Variants in ZBP1 observed in about 807,000 individuals in gnomAD.
ZBP1 encodes the protein Z-DNA binding protein 1, also known as Z-DNA-binding protein 1.
In ZBP1, 42 loss-of-function variants were observed where a neutral mutation model predicts 41.1. The observed-to-expected ratio is 1.02, with a 90% CI of 0.80 to 1.32. The LOEUF is 1.32. Ranked by LOEUF, ZBP1 falls within the 40% of genes most tolerant of loss-of-function variation. The probability of loss-of-function intolerance (pLI) is 0.00; values close to 1 mark genes in which losing one functional copy is unlikely to be tolerated. For synonymous variants in ZBP1, 214 were observed against 205.2 expected (o/e 1.04, Z -0.37); for missense variants, 562 against 549.7 (o/e 1.02, Z -0.22).
Position 57,613,473 on chromosome 20 carries a change from C to T in ZBP1, c.503-143G>A. On this transcript the variant is annotated intron_variant, in intron 4 of 7. Transcript: ENST00000371173. This position sits in a 1 kb window ranked among gnomAD's most constrained non-coding sequence, Gnocchi z 4.5. ...GAGTCAGTAGGGCCAAGTGGGAGGCCAGAGCTGGGTGTTTAACAGACACCA... is the reference window on the plus strand; with the variant it reads ...GAGTCAGTAGGGCCAAGTGGGAGGCTAGAGCTGGGTGTTTAACAGACACCA... 1.2e-6 allele frequency: 1 copy of T among 849,252 alleles called. No individual in the cohort carries two copies. Among genetic ancestry groups the T allele is most frequent in the Non-Finnish European group, 1.9e-6 (1 of 537,602 alleles). The allele number at this position is 849,252 out of a possible 1,614,324, so 52.6% of individuals were successfully genotyped here.
In ZBP1 at chr20:57,610,434, C is replaced by G; in HGVS notation, c.875-67G>C. The G allele has an allele frequency of 6.4e-7, 1 of 1,563,000 alleles. No individual in the cohort carries two copies. ...GGACAGTGGCCGGGAACCCTGACCC[C>G]CAGCCTGGTTCACCCTCCTCCCCAG... On this transcript the variant is annotated intron_variant, in intron 6 of 7. Transcript: ENST00000371173. This position sits in a 1 kb window ranked among gnomAD's most constrained non-coding sequence, Gnocchi z 5.5.
intron 4 of ZBP1, among the ~76,000 whole-genome samples, chr20:57,614,554 C>T (rs2070765438): frequency 6.6e-6 from 1 of 152,026 alleles, no homozygotes; most frequent in South Asian, 2.1e-4. Flanking sequence ...ACTTTTAAAC[C>T]CCAACTTGAG....
intron 1 of ZBP1, chr20:57,618,104 A>G (rs1310989780): frequency 1.3e-5 from 2 of 152,286 alleles, no homozygotes; most frequent in African/African-American, 4.8e-5. Flanking sequence ...AATGATTAAA[A>G]GATCAAAGCC....
Position 57,606,236 on chromosome 20 carries a change from G to A in ZBP1, c.1094-1467C>T, listed in dbSNP as rs6128094. 6.3e-3 allele frequency among the ~76,000 whole-genome samples: 955 copies of A among 152,354 alleles called. 37 individuals are homozygous for A. The East Asian group carries it at 0.11, about 18-fold the overall frequency. ...GTTTTAGTGGTCTGGATAGAGGATC[G>A]AGCCAGCTACAACAATCTCTTAAAC... On this transcript the variant is annotated intron_variant, in intron 7 of 7. Coordinates refer to ENST00000371173, the MANE Select transcript of ZBP1 (RefSeq NM_030776.3).
rs1252708274 is a variant in ZBP1, at chr20:57,613,639, C to T, written c.503-309G>A. 5.3e-5 allele frequency among the ~76,000 whole-genome samples: 8 copies of T among 152,174 alleles called. No homozygotes were observed. Among genetic ancestry groups the T allele is most frequent in the African/African-American group, 1.4e-4 (6 of 41,440 alleles). ...GCCCCACACTGCTCTCCCTAGGGGG[C>T]AGCCACAGCCCGGACCCCCGAGCAC... is the stretch of plus-strand genomic sequence containing the variant. On this transcript the variant is annotated intron_variant, in intron 4 of 7. Coordinates refer to ENST00000371173, the MANE Select transcript of ZBP1 (RefSeq NM_030776.3). The surrounding 1 kb of genome is among the most constrained non-coding windows in gnomAD (Gnocchi z 4.5).
chr20:57,607,141 G>C (rs1282144522), intron 7 of ZBP1: 2 of 1,304,280 alleles, frequency 1.5e-6, no homozygotes, highest in South Asian at 2.5e-5. Flanking sequence ...AAAGTAAGTT[G>C]AAAATCTTCT....
At chr20:57,611,411 A>ATTTTTTT (rs3068061) in intron 6 of ZBP1, among the ~76,000 whole-genome samples, 27,664 of 94,786 alleles carry the variant, frequency 0.29, 4,655 homozygotes, top group East Asian at 0.49. Context: ...TGCCCGGTTA[A>ATTTTTTT]TTTTTTTTTT....
In ZBP1 at chr20:57,604,638, CAGCTTTGTG is replaced by C. The variant is rs754394724; in HGVS notation, c.1216_1224del (p.His406_Ala408del). The C allele has an allele frequency of 3.7e-6, 6 of 1,614,204 alleles. No individual in the cohort carries two copies. The South Asian group carries it at 6.6e-5, about 18-fold the overall frequency. ...TCATCCACATAGTGGCTGCCTTCTG[CAGCTTTGTG>C]ACTCCTGTTTCCAAGAGTCATAGTT... On this transcript the variant is annotated inframe_deletion, in exon 8 of 8. Transcript: ENST00000371173.
intron 7 of ZBP1, among the ~76,000 whole-genome samples, chr20:57,608,030 G>A (rs1470653876): frequency 1.3e-5 from 2 of 152,154 alleles, no homozygotes; most frequent in African/African-American, 4.8e-5. Context: ...AGAGAGGTGG[G>A]TGGGTCAGGG....
At chr20:57,618,572 C>T (rs533130175) in intron 1 of ZBP1, among the ~76,000 whole-genome samples, 11 of 152,154 alleles carry the variant, frequency 7.2e-5, no homozygotes, top group African/African-American at 2.2e-4. Flanking sequence ...CACCTTGTCT[C>T]GCAGAGTTTT....
chr20:57,615,949 G>A (rs938022659), intron 2 of ZBP1: 44 of 549,210 alleles, frequency 8.0e-5, no homozygotes, highest in Middle Eastern at 2.7e-4. Context: ...GGACCATGGC[G>A]TCATTGCTGT....
intron 1 of ZBP1, among the ~76,000 whole-genome samples, chr20:57,618,367 G>A (rs2070899142): frequency 6.6e-6 from 1 of 152,232 alleles, no homozygotes; most frequent in Non-Finnish European, 1.5e-5. Flanking sequence ...GTTTGCCCAG[G>A]GTTCCTTGGT....
chr20:57,612,871 C>A, intron 5 of ZBP1: 1 of 1,290,382 alleles, frequency 7.7e-7, no homozygotes. Flanking sequence ...AGGTCAGGCG[C>A]AACACAGAGA....
chr20:57,614,051 G>A (rs1395624302), intron 4 of ZBP1, among the ~76,000 whole-genome samples: 1 of 151,956 alleles, frequency 6.6e-6, no homozygotes, highest in Non-Finnish European at 1.5e-5. Flanking sequence ...TTATTTTTTG[G>A]GGGACAGAGT....
intron 7 of ZBP1, among the ~76,000 whole-genome samples, chr20:57,608,481 G>T (rs2070553413): frequency 6.6e-6 from 1 of 152,230 alleles, no homozygotes; most frequent in South Asian, 2.1e-4. Context: ...AGTCTTCAAT[G>T]GTCTGGCTTG....
intron 1 of ZBP1, among the ~76,000 whole-genome samples, chr20:57,618,825 C>T (rs774158605): frequency 1.3e-5 from 2 of 152,166 alleles, no homozygotes; most frequent in African/African-American, 2.4e-5. Context: ...GGGTGATCCC[C>T]GCAACTCAGC....
Position 57,616,234 on chromosome 20 carries a change from T to C in ZBP1, c.259+10A>G. The C allele has an allele frequency of 6.2e-7, 1 of 1,610,352 alleles. No individual in the cohort carries two copies. Among genetic ancestry groups the C allele is most frequent in the Non-Finnish European group, 8.5e-7 (1 of 1,177,298 alleles). ...CAGGGTCAGACCCGCCTCCCCGGGG[T>C]GGCAGTTACCAGGGCTGGACAAGGC... is the stretch of plus-strand genomic sequence containing the variant. On this transcript the variant is annotated intron_variant, in intron 2 of 7. Transcript: ENST00000371173.
chr20:57,619,170 CT>C (rs1483348067), intron 1 of ZBP1, among the ~76,000 whole-genome samples: 7 of 152,240 alleles, frequency 4.6e-5, no homozygotes, highest in Non-Finnish European at 1.0e-4. Context: ...GAAGAGGAAG[CT>C]CCACAGGACC....
intron 2 of ZBP1, 87 bp downstream of exon 2, chr20:57,616,157 G>A: frequency 7.7e-7 from 1 of 1,299,952 alleles, no homozygotes; most frequent in South Asian, 1.3e-5. Context: ...GCAGAGTTCA[G>A]ATTCGAACCC....
Sources: allele counts gnomAD v4.1 joint callset (sites outside exome capture counted in the v4.1 genomes callset), GRCh38; gene constraint gnomAD v4.1.1; non-coding constraint Gnocchi (gnomAD v3.1); transcripts MANE v1.5; gene names NCBI Gene and HGNC (gene_info 2026-07-23, HGNC 2026-07-21).